Variants in WWP2 observed in about 807,000 individuals in gnomAD.
WWP2 encodes WW domain containing E3 ubiquitin protein ligase 2, also known as NEDD4-like E3 ubiquitin-protein ligase WWP2.
Under a neutral mutation model 121.0 loss-of-function variants are expected in WWP2, and 57 were observed. That is an observed-to-expected ratio of 0.47 (90% confidence interval 0.38 to 0.59). The LOEUF is 0.59. Ranked by LOEUF, WWP2 falls within the 20% of genes least tolerant of loss-of-function variation. The pLI, the probability that WWP2 is intolerant of heterozygous loss-of-function variation, is 0.00. For missense variants in WWP2, 962 were observed against 1,158.9 expected (o/e 0.83, Z 2.47); for synonymous variants, 449 against 441.3 (o/e 1.02, Z -0.22).
chr16:69,767,712 T>C (rs999405990), intron 1 of WWP2, among the ~76,000 whole-genome samples: 1 of 152,198 alleles, frequency 6.6e-6, no homozygotes, highest in African/African-American at 2.4e-5. Flanking sequence ...GAGGGCTGTT[T>C]GTGATTAATC....
intron 23 of WWP2, 61 bp from the exon 24 acceptor site, chr16:69,939,780 G>A (rs2058853439): frequency 6.7e-7 from 1 of 1,486,806 alleles, no homozygotes; most frequent in East Asian, 2.3e-5. Flanking sequence ...GGCAGGCATG[G>A]TGGGGCTATC....
chr16:69,918,631 A>G (rs1033597334), intron 10 of WWP2, among the ~76,000 whole-genome samples: 1 of 152,158 alleles, frequency 6.6e-6, no homozygotes, highest in Non-Finnish European at 1.5e-5. Flanking sequence ...CTTCTTTCTG[A>G]TGCTTGATCA....
rs764790347 is a variant in WWP2 at position 69,925,457 on chromosome 16, C to G, written c.1207C>G (p.Pro403Ala). Residue 403 changes from proline (P) to alanine (A), a missense_variant, in exon 11 of 24, where the codon CCC becomes GCC. Pro to Ala is a conservative substitution (Grantham distance 27). Transcript: ENST00000359154. This position sits in a 1 kb window ranked among gnomAD's most constrained non-coding sequence, Gnocchi z 4.0. ...TTCGAGTGCTTCGACTGACCATGAT[C>G]CCCTGGGCCCCCTCCCTCCTGGCTG... ...QSSSASTDHD[P>A]LGPLPPGWEK... The G allele has an allele frequency of 6.2e-7, 1 of 1,613,942 alleles. No individual in the cohort carries two copies. Among genetic ancestry groups the G allele is most frequent in the Non-Finnish European group, 8.5e-7 (1 of 1,179,898 alleles).
chr16:69,801,468 C>A (rs2056165256), intron 4 of WWP2, among the ~76,000 whole-genome samples: 1 of 152,070 alleles, frequency 6.6e-6, no homozygotes, highest in African/African-American at 2.4e-5. Flanking sequence ...CTCCTGAGCT[C>A]AAGTGATCCG....
rs749726025 is a variant in WWP2, at chr16:69,937,739, C to CT, written c.2343+89dup. The CT allele has an allele frequency of 1.3e-4, 178 of 1,331,844 alleles. No individual in the cohort carries two copies. The highest frequency in any genetic ancestry group is 1.8e-4 in the Non-Finnish European group (170 of 947,112). 82.5% of individuals were successfully genotyped at this position (1,331,844 alleles called of 1,614,324 possible). A position where few individuals can be genotyped will look rare whatever the true frequency, so the allele number is the denominator to read the frequency against. ...CTGAGGAGGCCTCACGCGCAAGGACCTTCAGCTTTGGCCCTGTCCTTGCCT... is the reference window on the plus strand; with the variant it reads ...CTGAGGAGGCCTCACGCGCAAGGACCTTTCAGCTTTGGCCCTGTCCTTGCCT... On this transcript the variant is annotated intron_variant, in intron 21 of 23. Coordinates refer to ENST00000359154, the MANE Select transcript of WWP2 (RefSeq NM_001270454.2). This position sits in a 1 kb window ranked among gnomAD's most constrained non-coding sequence, Gnocchi z 6.6.
At chr16:69,878,600 G>A (rs1007251899) in intron 7 of WWP2, among the ~76,000 whole-genome samples, 9 of 152,138 alleles carry the variant, frequency 5.9e-5, no homozygotes, top group Admixed American at 1.3e-4. Context: ...GGCTTGGATC[G>A]ATCCTCTTGT....
chr16:69,825,770 T>A (rs983908863), intron 4 of WWP2, among the ~76,000 whole-genome samples: 1 of 151,446 alleles, frequency 6.6e-6, no homozygotes, highest in Admixed American at 6.6e-5. Context: ...GGACCACAGG[T>A]GCATGCCACT....
At chr16:69,846,325 A>G (rs1250647001) in intron 6 of WWP2, among the ~76,000 whole-genome samples, 2 of 152,226 alleles carry the variant, frequency 1.3e-5, no homozygotes, top group South Asian at 2.1e-4. Context: ...AGCAGGTCAT[A>G]GAAAACAGTA....
intron 6 of WWP2, among the ~76,000 whole-genome samples, chr16:69,852,293 T>G (rs1322005365): frequency 6.6e-6 from 1 of 152,006 alleles, no homozygotes; most frequent in Non-Finnish European, 1.5e-5. Flanking sequence ...CTTTTTTTTT[T>G]TGAGAAAGAG....
chr16:69,875,647 C>A (rs1050340447), intron 7 of WWP2, among the ~76,000 whole-genome samples: 3 of 152,226 alleles, frequency 2.0e-5, no homozygotes, highest in Admixed American at 1.3e-4. Context: ...GAAGTTGATT[C>A]CATCTCAAGA....
chr16:69,912,955 A>AATATATAT (rs1567427338), intron 9 of WWP2, among the ~76,000 whole-genome samples: 34 of 8,302 alleles, frequency 4.1e-3, no homozygotes, highest in Non-Finnish European at 5.3e-3. Flanking sequence ...AAAAAAAAAA[A>AATATATAT]ATATATATAT....
At chr16:69,934,676 A>G (rs1200957172) in intron 17 of WWP2, among the ~76,000 whole-genome samples, 3 of 151,146 alleles carry the variant, frequency 2.0e-5, no homozygotes, top group Non-Finnish European at 4.4e-5. Context: ...AATCAACACT[A>G]GTGTAGAACA....
chr16:69,870,497 C>T (rs1271379918), intron 6 of WWP2, among the ~76,000 whole-genome samples: 1 of 152,052 alleles, frequency 6.6e-6, no homozygotes, highest in Non-Finnish European at 1.5e-5. Flanking sequence ...GGCAGGGTCT[C>T]ATTATGTTGC....
At chr16:69,913,046 A>G (rs2058424303) in intron 9 of WWP2, among the ~76,000 whole-genome samples, 1 of 91,336 alleles carries the variant, frequency 1.1e-5, no homozygotes, top group Non-Finnish European at 2.2e-5. Context: ...TTTTTGAGAC[A>G]GAATTTTTGC....
intron 6 of WWP2, among the ~76,000 whole-genome samples, chr16:69,846,868 G>T (rs2057090952): frequency 6.6e-6 from 1 of 152,026 alleles, no homozygotes; most frequent in Non-Finnish European, 1.5e-5. Flanking sequence ...CTGGGTGGTG[G>T]CTCCCAAGTG....
intron 4 of WWP2, among the ~76,000 whole-genome samples, chr16:69,806,776 G>T (rs2056283992): frequency 6.6e-6 from 1 of 151,758 alleles, no homozygotes; most frequent in Non-Finnish European, 1.5e-5. Flanking sequence ...TGTTTCCCCA[G>T]TTTTTTTCTT....
intron 4 of WWP2, among the ~76,000 whole-genome samples, chr16:69,834,520 AT>A (rs1016201482): frequency 6.8e-6 from 1 of 146,272 alleles, no homozygotes; most frequent in Admixed American, 6.9e-5. Context: ...TCATTAAAAA[AT>A]TTTTTTTTAG....
Position 69,862,881 on chromosome 16 carries a change from A to G in WWP2, c.576-8923A>G, listed in dbSNP as rs1001169934. 2.0e-5 allele frequency among the ~76,000 whole-genome samples: 3 copies of G among 151,918 alleles called. No homozygotes were observed. The East Asian group carries it at 5.8e-4, about 29-fold the overall frequency. On this transcript the variant is annotated intron_variant, in intron 6 of 23. Transcript: ENST00000359154. ...GCTGGGATCACAGGCACTTGCCACT[A>G]TACCTGGCTAATTTAAAATAATTTT... is the stretch of plus-strand genomic sequence containing the variant.
intron 6 of WWP2, among the ~76,000 whole-genome samples, chr16:69,845,783 C>G (rs1446452096): frequency 6.6e-6 from 1 of 152,038 alleles, no homozygotes; most frequent in Middle Eastern, 3.2e-3. Flanking sequence ...GGCGTGGTGG[C>G]TCATGCCTGT....
Sources: allele counts gnomAD v4.1 joint callset (sites outside exome capture counted in the v4.1 genomes callset), GRCh38; gene constraint gnomAD v4.1.1; non-coding constraint Gnocchi (gnomAD v3.1); transcripts MANE v1.5; gene names NCBI Gene and HGNC (gene_info 2026-07-23, HGNC 2026-07-21).